MYO5B: variants seen among roughly 807,000 people sequenced by gnomAD.
MYO5B encodes the protein unconventional myosin-Vb.
In MYO5B, 143 loss-of-function variants were observed where a neutral mutation model predicts 229.3. The observed-to-expected ratio is 0.62, with a 90% confidence interval of 0.54 to 0.72. The LOEUF is 0.72. Among genes scored for constraint, MYO5B ranks in the 30% least tolerant of loss-of-function variants. MYO5B has a pLI of 0.00. For missense variants in MYO5B, 2,321 were observed against 2,331.0 expected, an observed-to-expected ratio of 1.00 and a Z score of 0.09; for synonymous variants, 918 against 885.2, an observed-to-expected ratio of 1.04 and a Z score of -0.66.
At chr18:49,844,272 G>A (rs2024098577) in intron 33 of MYO5B, among the ~76,000 whole-genome samples, 1 of 152,242 alleles carries the variant, frequency 6.6e-6, no homozygotes, top group Non-Finnish European at 1.5e-5. Context: ...TAGAAGGCCA[G>A]AGAACTAGGG....
chr18:49,850,066 T>C (rs2024180596), intron 31 of MYO5B: 1 of 319,152 alleles, frequency 3.1e-6, no homozygotes, highest in Admixed American at 4.3e-5. Context: ...GGCAGGGAGG[T>C]TGGAAGAGCA....
chr18:50,163,565 T>A (rs1599070026), intron 1 of MYO5B, among the ~76,000 whole-genome samples: 1 of 152,204 alleles, frequency 6.6e-6, no homozygotes, highest in African/African-American at 2.4e-5. Context: ...TTCAATACCA[T>A]GAGGCCCCAC....
intron 16 of MYO5B, among the ~76,000 whole-genome samples, chr18:49,934,141 A>G (rs965308600): frequency 6.6e-6 from 1 of 152,208 alleles, no homozygotes; most frequent in African/African-American, 2.4e-5. Context: ...CTCTCAAAGC[A>G]CTGCCATTAC....
intron 26 of MYO5B, among the ~76,000 whole-genome samples, chr18:49,874,271 A>G (rs2024491207): frequency 1.3e-5 from 2 of 152,370 alleles, no homozygotes; most frequent in South Asian, 4.1e-4. Context: ...GAGAAGTTCT[A>G]AAGCCAAGAT....
At chr18:49,862,683 G>C (rs888558747) in intron 29 of MYO5B, among the ~76,000 whole-genome samples, 9 of 152,120 alleles carry the variant, frequency 5.9e-5, no homozygotes, top group African/African-American at 2.2e-4. Flanking sequence ...ATTTTCGAGG[G>C]GACAGTGGTT....
At chr18:50,129,849 G>T (rs1293722805) in intron 1 of MYO5B, among the ~76,000 whole-genome samples, 2 of 152,322 alleles carry the variant, frequency 1.3e-5, no homozygotes, top group African/African-American at 4.8e-5. Flanking sequence ...AAAGTCAGAA[G>T]AGGGGCTTTG....
chr18:49,912,259 T>TA (rs1214676558), intron 17 of MYO5B, 86 bp from the exon 18 acceptor site: 4 of 972,290 alleles, frequency 4.1e-6, no homozygotes, highest in Non-Finnish European at 6.7e-6. Flanking sequence ...CAGTTCCCTA[T>TA]GGGGTCAACA....
chr18:50,056,388 G>A (rs530082528), intron 1 of MYO5B, among the ~76,000 whole-genome samples: 124 of 152,302 alleles, frequency 8.1e-4, no homozygotes, highest in African/African-American at 2.9e-3. Context: ...ACTAATGAGT[G>A]CTGAATGGCA....
At chr18:50,048,336 A>C (rs2144405706) in intron 2 of MYO5B, among the ~76,000 whole-genome samples, 1 of 152,328 alleles carries the variant, frequency 6.6e-6, no homozygotes, top group Non-Finnish European at 1.5e-5. Flanking sequence ...TAGGAAATTC[A>C]GTTAAGTTAT....
intron 8 of MYO5B, 137 bp from the exon 9 acceptor site, chr18:49,980,690 A>C (rs1241459785): frequency 7.2e-6 from 5 of 691,558 alleles, no homozygotes; most frequent in Non-Finnish European, 1.3e-5. Flanking sequence ...AAAATGATCC[A>C]GGCTCCTCAC....
rs1436542710 is a variant in MYO5B at position 49,878,313 on chromosome 18, A to G, written c.3277-431T>C. On this transcript the variant is annotated intron_variant, in intron 24 of 39. Transcript: ENST00000285039. ...ATATTAAAAATAGTTTACCATTTAT[A>G]CTGTTCATTTAAAAATACTTTTTTT... is the stretch of plus-strand genomic sequence containing the variant. Among the ~76,000 whole-genome samples the G allele has an allele frequency of 2.0e-5, 3 of 152,156 alleles. No individual in the cohort carries two copies. In the East Asian group the frequency reaches 5.8e-4, roughly 29 times the overall value.
rs571422267 is a variant in MYO5B at position 49,886,947 on chromosome 18, G to A, written c.3046-6492C>T. Among the ~76,000 whole-genome samples, 4 of 152,262 alleles carry A rather than the reference G, an allele frequency of 2.6e-5. No individual in the cohort carries two copies. The South Asian group carries it at 8.3e-4, about 32-fold the overall frequency. Reference sequence around the variant, plus strand: ...TAGACTGACTCATGGTAGTTGATATGGTTTGGACGTTCATTTCCTCCAAAT... The same window carrying A: ...TAGACTGACTCATGGTAGTTGATATAGTTTGGACGTTCATTTCCTCCAAAT... On this transcript the variant is annotated intron_variant, in intron 22 of 39. Coordinates refer to ENST00000285039, the MANE Select transcript of MYO5B (RefSeq NM_001080467.3).
At chr18:50,188,816 AAC>A (rs1555668147) in intron 1 of MYO5B, among the ~76,000 whole-genome samples, 29 of 141,300 alleles carry the variant, frequency 2.1e-4, no homozygotes, top group Non-Finnish European at 3.2e-4. Flanking sequence ...AAAAAAAAAA[AAC>A]ACACACACCT....
At chr18:50,019,189 C>T (rs904409518) in intron 4 of MYO5B, among the ~76,000 whole-genome samples, 11 of 152,124 alleles carry the variant, frequency 7.2e-5, no homozygotes, top group Admixed American at 1.3e-4. Flanking sequence ...ACCATAATCA[C>T]GTAGCTAGTA....
intron 22 of MYO5B, among the ~76,000 whole-genome samples, chr18:49,881,603 C>T (rs1054606553): frequency 4.6e-5 from 7 of 151,808 alleles, no homozygotes; most frequent in African/African-American, 1.7e-4. Context: ...GTGATCGAGA[C>T]CATCCTGGCT....
intron 17 of MYO5B, among the ~76,000 whole-genome samples, chr18:49,920,421 T>A (rs1277076489): frequency 6.6e-6 from 1 of 152,128 alleles, no homozygotes; most frequent in African/African-American, 2.4e-5. Flanking sequence ...GTGCAAAGGT[T>A]GTCACATGCT....
At chr18:49,982,707 A>G (rs994425064) in intron 8 of MYO5B, among the ~76,000 whole-genome samples, 1 of 152,204 alleles carries the variant, frequency 6.6e-6, no homozygotes, top group Non-Finnish European at 1.5e-5. Flanking sequence ...TACTTTCACA[A>G]AACAGCAGAG....
chr18:50,104,290 A>ATATC (rs1555659367), intron 1 of MYO5B, among the ~76,000 whole-genome samples: 1 of 145,154 alleles, frequency 6.9e-6, no homozygotes, highest in Non-Finnish European at 1.5e-5. Flanking sequence ...ATATATATAT[A>ATATC]TCTCATAAAT....
intron 14 of MYO5B, among the ~76,000 whole-genome samples, chr18:49,943,937 T>A (rs374634026): frequency 3.3e-5 from 5 of 152,132 alleles, no homozygotes; most frequent in African/African-American, 1.2e-4. Flanking sequence ...GAGGACAGCA[T>A]GTTATGGGGT....
Sources: allele counts gnomAD v4.1 joint callset (sites outside exome capture counted in the v4.1 genomes callset), GRCh38; gene constraint gnomAD v4.1.1; transcripts MANE v1.5; gene names NCBI Gene and HGNC (gene_info 2026-07-23, HGNC 2026-07-21).